Variants in ZNF687 observed in about 807,000 individuals in gnomAD.
The protein encoded by ZNF687 is zinc finger protein 687.
ZNF687 carries 13 observed loss-of-function variants against 71.8 expected under a neutral mutation model. The ratio of observed to expected loss-of-function variants is 0.18; its 90% CI spans 0.12 to 0.29. The LOEUF (loss-of-function observed/expected upper bound fraction) is 0.29. Among genes scored for constraint, ZNF687 ranks in the 10% least tolerant of loss-of-function variants. The pLI is 1.00. For missense variants in ZNF687, 1,412 were observed against 1,625.6 expected (o/e 0.87, Z 2.26); for synonymous variants, 673 against 641.6 (o/e 1.05, Z -0.74).
Position 151,286,594 on chromosome 1 carries a change from C to G in ZNF687, c.303C>G (p.Gly101=). The G allele has an allele frequency of 6.2e-7, 1 of 1,614,200 alleles. No individual in the cohort carries two copies. The highest frequency in any genetic ancestry group is 8.5e-7 in the Non-Finnish European group (1 of 1,180,032). The part of the protein sequence containing the change: ...CPEQSEALAG[G]SAGDGAQAAG... ...AGCAGTCTGAGGCCCTGGCTGGAGG[C>G]TCAGCAGGAGACGGGGCCCAGGCTG... Residue 101 remains glycine (G), a synonymous_variant, in exon 2 of 9, where the codon GGC becomes GGG. Transcript: ENST00000336715.
Position 151,291,101 on chromosome 1 carries a change from T to C in ZNF687, c.3606T>C (p.Cys1202=). 6 of 1,613,596 alleles carry C rather than the reference T, an allele frequency of 3.7e-6. No homozygotes were observed. The highest frequency in any genetic ancestry group is 5.1e-6 in the Non-Finnish European group (6 of 1,180,000). Residue 1202 remains cysteine (C), a synonymous_variant, in exon 9 of 9, where the codon TGT becomes TGC. Coordinates refer to ENST00000336715, the MANE Select transcript of ZNF687 (RefSeq NM_020832.3). The part of the protein sequence containing the change: ...PLPASGGPLT[C]KVCGKSCDSP... ...CTGCTTCTGGAGGCCCACTGACCTGTAAGGTCTGTGGCAAGAGCTGCGACA... is the reference window on the plus strand; with the variant it reads ...CTGCTTCTGGAGGCCCACTGACCTGCAAGGTCTGTGGCAAGAGCTGCGACA...
intron 3 of ZNF687, 147 bp from the exon 4 acceptor site, chr1:151,288,948 C>T (rs1694074028): frequency 9.9e-7 from 1 of 1,013,086 alleles, no homozygotes; most frequent in East Asian, 2.6e-5. Flanking sequence ...ACAGCCTCTG[C>T]ACCTCTCTCC....
rs140469369 is a variant in ZNF687, at chr1:151,290,778, C to G, written c.3283C>G (p.Pro1095Ala). The G allele has an allele frequency of 7.4e-6, 12 of 1,613,544 alleles. No homozygotes were observed. The highest frequency in any genetic ancestry group is 9.3e-6 in the Non-Finnish European group (11 of 1,179,922). ...CAGTGAGGAGCCTGACAGCACGACA[C>G]CGCCAGCCAAGTCCCCCAGGGGCGG... The part of the protein sequence containing the change: ...SCSEEPDSTT[P>A]PAKSPRGGPG... The change falls in exon 9 of 9, where the codon CCG becomes GCG. Residue 1095 changes from proline (P) to alanine (A), a missense_variant. This residue lies in a region of ZNF687 where 284 missense variants were observed against 359.2 expected (regional missense o/e 0.79). Coordinates refer to ENST00000336715, the MANE Select transcript of ZNF687 (RefSeq NM_020832.3).
Position 151,287,009 on chromosome 1 carries a change from G to C in ZNF687, c.718G>C (p.Gly240Arg). The C allele has an allele frequency of 6.2e-7, 1 of 1,602,960 alleles. No individual in the cohort carries two copies. The highest frequency in any genetic ancestry group is 8.5e-7 in the Non-Finnish European group (1 of 1,172,822). Reference protein sequence around the residue: ...HPQVLAQQGSGSSPKATDIPA... With the variant: ...HPQVLAQQGSRSSPKATDIPA... ...CCAGGTCCTAGCCCAACAAGGCTCA[G>C]GCTCCAGCCCTAAGGCCACGGACAT... The change falls in exon 2 of 9, where the codon GGC (glycine) becomes CGC (arginine). Residue 240 changes from glycine (G) to arginine (R), a missense_variant. By Grantham distance (125) the Gly-to-Arg change is moderately radical (BLOSUM62 -2). Transcript: ENST00000336715. The surrounding 1 kb of genome is among the most constrained non-coding windows in gnomAD (Gnocchi z 5.0).
upstream of ZNF687, chr1:151,281,971 G>C (rs1194875926): frequency 8.3e-7 from 1 of 1,199,020 alleles, no homozygotes; most frequent in Non-Finnish European, 1.1e-6. Flanking sequence ...CTTCCAGTAG[G>C]CAAGCTGGGA....
At position 151,286,719 on chromosome 1, in the gene ZNF687, C is replaced by T. The variant is rs1292325781; in HGVS notation, c.428C>T (p.Pro143Leu). The T allele has an allele frequency of 1.9e-6, 3 of 1,614,238 alleles. No individual in the cohort carries two copies. Among genetic ancestry groups the T allele is most frequent in the Non-Finnish European group, 2.5e-6 (3 of 1,180,042 alleles). ...SLPGTPHSPA[P>L]PSGGTWKEKG... The stretch of plus-strand genomic sequence containing the variant: ...CCAGGAACTCCCCACTCTCCTGCTC[C>T]TCCCAGTGGGGGCACCTGGAAAGAA... Residue 143 changes from proline (P) to leucine (L), a missense_variant, in exon 2 of 9, where the codon CCT (proline) becomes CTT (leucine). Physicochemically the swap from Pro to Leu is moderately conservative, Grantham distance 98. Around this residue, in one of 8 missense-constraint regions of ZNF687, gnomAD observed 490 missense variants for 489.9 expected, o/e 1.00. Transcript: ENST00000336715.
chr1:151,283,347 C>T, intron 1 of ZNF687: 2 of 974,800 alleles, frequency 2.1e-6, no homozygotes, highest in Non-Finnish European at 2.4e-6. Context: ...CGACCTGGGC[C>T]TGTTCAGCCT....
chr1:151,290,344 C>T (rs587606771), intron 7 of ZNF687, 88 bp from the exon 8 acceptor site: 41 of 1,611,462 alleles, frequency 2.5e-5, no homozygotes, highest in South Asian at 2.5e-4. Context: ...TTGGGGTCTC[C>T]CTCTGCTCTG....
chr1:151,282,037 C>A, upstream of ZNF687: 1 of 1,276,112 alleles, frequency 7.8e-7, no homozygotes, highest in Non-Finnish European at 1.0e-6. Context: ...TTACGAGACT[C>A]GTAGATGGGG....
In ZNF687 at chr1:151,287,872, C is replaced by T; in HGVS notation, c.1581C>T (p.Ala527=). The T allele has an allele frequency of 2.5e-6, 4 of 1,613,882 alleles. No individual in the cohort carries two copies. The highest frequency in any genetic ancestry group is 3.4e-6 in the Non-Finnish European group (4 of 1,179,988). ...NLSPPAEAGL[A]LPPTGYRCLE... ...GCCCACCAGCTGAGGCTGGGCTGGC[C>T]CTGCCTCCCACCGGCTACCGCTGCC... The change falls in exon 2 of 9, where the codon GCC becomes GCT. Residue 527 remains alanine (A), a synonymous_variant. Transcript: ENST00000336715. The surrounding 1 kb of genome is among the most constrained non-coding windows in gnomAD (Gnocchi z 5.0).
rs771983859 is a variant in ZNF687 at position 151,287,063 on chromosome 1, GCTGGGGTGC to G, written c.774_782del (p.Gly259_Pro261del). On this transcript the variant is annotated inframe_deletion, in exon 2 of 9. Transcript: ENST00000336715. The surrounding 1 kb of genome is among the most constrained non-coding windows in gnomAD (Gnocchi z 5.0). ...TGCCAGTGCCTCGCCTCCCCCAGTT[GCTGGGGTGC>G]CCTTCTTCAAGCAGTCTCCAGGGCA... The G allele has an allele frequency of 6.2e-7, 1 of 1,611,972 alleles. No homozygotes were observed. Among genetic ancestry groups the G allele is most frequent in the South Asian group, 1.1e-5 (1 of 91,006 alleles).
chr1:151,282,672 G>A, intron 1 of ZNF687, among the ~76,000 whole-genome samples: 1 of 152,218 alleles, frequency 6.6e-6, no homozygotes, highest in East Asian at 1.9e-4. Context: ...CCGAAGTGCG[G>A]CCCGGAGATT....
chr1:151,286,245 G>C, intron 1 of ZNF687, 30 bp from the exon 2 acceptor site: 1 of 1,504,474 alleles, frequency 6.6e-7, no homozygotes. Context: ...AGACATCTCA[G>C]TTTCTCCTCC....
At position 151,286,564 on chromosome 1, in the gene ZNF687, T is replaced by A; in HGVS notation, c.273T>A (p.Cys91Ter). 6.2e-7 allele frequency: 1 copy of A among 1,614,186 alleles called. No homozygotes were observed. Residue 91 changes from cysteine to a stop codon, truncating the protein, a stop_gained, in exon 2 of 9, where the codon TGT (cysteine) becomes TGA (stop). Transcript: ENST00000336715. LOFTEE classifies it high-confidence loss of function. ...VVSVIVKNTV[C>*]PEQSEALAGG... is the part of the protein sequence containing the mutation. ...GTGTCATTGTCAAGAACACTGTGTG[T>A]CCCGAGCAGTCTGAGGCCCTGGCTG...
At position 151,291,111 on chromosome 1, in the gene ZNF687, G is replaced by A; in HGVS notation, c.3616G>A (p.Gly1206Ser). ...AGGCCCACTGACCTGTAAGGTCTGT[G>A]GCAAGAGCTGCGACAGCCCTCTAAA... is the stretch of plus-strand genomic sequence containing the variant. ...SGGPLTCKVCGKSCDSPLNLK... is the reference protein window; with the variant it reads ...SGGPLTCKVCSKSCDSPLNLK... Residue 1206 changes from glycine to serine, a missense_variant, in exon 9 of 9, where the codon GGC becomes AGC. Coordinates refer to ENST00000336715, the MANE Select transcript of ZNF687 (RefSeq NM_020832.3). 1 of 1,613,446 alleles carries A rather than the reference G, an allele frequency of 6.2e-7. No homozygotes were observed. The highest frequency in any genetic ancestry group is 8.5e-7 in the Non-Finnish European group (1 of 1,180,012).
At chr1:151,284,276 TGGGAGTTTTAGCCTCGGGAAAGCAAGATG>T (rs1693853314) in intron 1 of ZNF687, 6 of 985,088 alleles carry the variant, frequency 6.1e-6, no homozygotes, top group Non-Finnish European at 7.2e-6. Flanking sequence ...GTATGTATCT[TGGGAGTTTTAGCCTCGGGAAAGCAAGATG>T]GGGAGGGGTG....
Position 151,289,666 on chromosome 1 carries a change from C to G in ZNF687, c.2635-12C>G. 1 of 1,581,480 alleles carries G rather than the reference C, an allele frequency of 6.3e-7. No homozygotes were observed. Among genetic ancestry groups the G allele is most frequent in the Admixed American group, 1.8e-5 (1 of 54,838 alleles). On this transcript the variant is annotated splice_polypyrimidine_tract_variant and intron_variant, in intron 5 of 8. Coordinates refer to ENST00000336715, the MANE Select transcript of ZNF687 (RefSeq NM_020832.3). ...CCCCCACAACAGCAACCTCCCTTGT[C>G]TCCTCTCACAGAACACCCATCAGTC... is the stretch of plus-strand genomic sequence containing the variant.
Position 151,291,321 on chromosome 1 carries a change from C to G in ZNF687, c.*112C>G. The G allele has an allele frequency of 1.5e-6, 2 of 1,313,838 alleles. No individual in the cohort carries two copies. Among genetic ancestry groups the G allele is most frequent in the Non-Finnish European group, 2.0e-6 (2 of 978,712 alleles). 81.4% of individuals were successfully genotyped at this position (1,313,838 alleles called of 1,614,324 possible). On this transcript the variant is annotated 3_prime_UTR_variant, in exon 9 of 9. Coordinates refer to ENST00000336715, the MANE Select transcript of ZNF687 (RefSeq NM_020832.3). ...ATTAACATTAATATTTTGTTAATTC[C>G]TGTCTCTCCAACCTGAAGAAGAAGA...
Position 151,287,812 on chromosome 1 carries a change from C to T in ZNF687, c.1521C>T (p.Ser507=). 6.2e-7 allele frequency: 1 copy of T among 1,614,044 alleles called. No individual in the cohort carries two copies. Among genetic ancestry groups the T allele is most frequent in the Non-Finnish European group, 8.5e-7 (1 of 1,180,024 alleles). The change falls in exon 2 of 9, where the codon AGC becomes AGT. Residue 507 remains serine (S), a synonymous_variant. Transcript: ENST00000336715. The surrounding 1 kb of genome is among the most constrained non-coding windows in gnomAD (Gnocchi z 5.0). ...AGGCCTTCAACAAGATCCTCAACAGCAAGAACCTGCTCCCTGCCTATAGGC... is the reference window on the plus strand; with the variant it reads ...AGGCCTTCAACAAGATCCTCAACAGTAAGAACCTGCTCCCTGCCTATAGGC... ...LVEAFNKILN[S]KNLLPAYRPN...
Sources: allele counts gnomAD v4.1 joint callset (sites outside exome capture counted in the v4.1 genomes callset), GRCh38; gene constraint gnomAD v4.1.1; regional missense constraint gnomAD v4.1.1; non-coding constraint Gnocchi (gnomAD v3.1); transcripts MANE v1.5; gene names NCBI Gene and HGNC (gene_info 2026-07-23, HGNC 2026-07-21).